NUCB2: variants seen among roughly 807,000 people sequenced by gnomAD.
NUCB2 encodes the protein nucleobindin 2.
Under a neutral mutation model 57.9 loss-of-function variants are expected in NUCB2, and 48 were observed. The ratio of observed to expected loss-of-function variants is 0.83; its 90% CI spans 0.66 to 1.05. The LOEUF (loss-of-function observed/expected upper bound fraction) is 1.05, where lower values mean the gene tolerates loss of function less well. Ranked by LOEUF, NUCB2 falls within the 50% of genes least tolerant of loss-of-function variation. NUCB2 has a pLI of 0.00. For missense variants in NUCB2, 442 were observed against 476.2 expected, an observed-to-expected ratio of 0.93 and a Z score of 0.67; for synonymous variants, 139 against 152.1, an observed-to-expected ratio of 0.91 and a Z score of 0.64.
At chr11:17,281,349 G>T (rs950318759) in intron 1 of NUCB2, among the ~76,000 whole-genome samples, 7 of 151,810 alleles carry the variant, frequency 4.6e-5, no homozygotes, top group Non-Finnish European at 1.0e-4. Flanking sequence ...TGAACTCCTG[G>T]GCTCAAGTGA....
At chr11:17,299,083 G>T (rs75740468) in intron 4 of NUCB2, among the ~76,000 whole-genome samples, 2,871 of 152,324 alleles carry the variant, frequency 0.019, 93 homozygotes, top group African/African-American at 0.065. Context: ...CTGGAAAGGT[G>T]ATGGTACTGC....
In NUCB2 at chr11:17,305,183, G is replaced by T. The variant is rs1246201487; in HGVS notation, c.379+3313G>T. 2.9e-4 allele frequency among the ~76,000 whole-genome samples: 44 copies of T among 152,162 alleles called. 1 individual carries two copies. Among genetic ancestry groups the T allele is most frequent in the Admixed American group, 2.8e-3 (42 of 15,270 alleles). ...TACTAAAAATACAAAAATTAGCTGG[G>T]CATGGTAGCACATGCCTGTAATCCC... On this transcript the variant is annotated intron_variant, in intron 5 of 13. Transcript: ENST00000529010.
chr11:17,284,034 T>A (rs894086665), intron 2 of NUCB2, among the ~76,000 whole-genome samples: 2 of 152,212 alleles, frequency 1.3e-5, no homozygotes, highest in Non-Finnish European at 2.9e-5. Context: ...TCCAGACTTT[T>A]ATTTTTTTTG....
intron 11 of NUCB2, among the ~76,000 whole-genome samples, chr11:17,327,107 CTGGAGTGCAG>C (rs754749203): frequency 1.3e-5 from 2 of 152,190 alleles, no homozygotes; most frequent in East Asian, 1.9e-4. Flanking sequence ...GTTACCCAGA[CTGGAGTGCAG>C]TGGCGTGATC....
chr11:17,340,179 T>A (rs1295090171), intron 2 of NUCB2, among the ~76,000 whole-genome samples: 2 of 152,228 alleles, frequency 1.3e-5, no homozygotes, highest in Admixed American at 6.5e-5. Context: ...TCATATCCTT[T>A]GCCCACTTTT....
At chr11:17,315,623 C>T in intron 11 of NUCB2, 148 bp downstream of exon 11, 1 of 432,740 alleles carries the variant, frequency 2.3e-6, no homozygotes, top group Non-Finnish European at 4.1e-6. Flanking sequence ...AAATAATGAA[C>T]TTCATTTCTT....
Position 17,310,808 on chromosome 11 carries a change from G to A in NUCB2, c.484-17G>A, listed in dbSNP as rs1313216775. On this transcript the variant is annotated splice_polypyrimidine_tract_variant and intron_variant, in intron 6 of 13. Transcript: ENST00000529010. The stretch of plus-strand genomic sequence containing the variant: ...GTGAATGTTTTTATTTAACTTAAAT[G>A]CATTATTGCATTTCAGGCAACAAGT... 1.9e-6 allele frequency: 3 copies of A among 1,551,972 alleles called. No individual in the cohort carries two copies. The highest frequency in any genetic ancestry group is 2.6e-6 in the Non-Finnish European group (3 of 1,152,004).
At chr11:17,278,170 CTTTTTTTTT>C (rs35441492) in intron 1 of NUCB2, among the ~76,000 whole-genome samples, 2 of 85,130 alleles carry the variant, frequency 2.3e-5, no homozygotes, top group Admixed American at 1.6e-4. Context: ...TTTTACCCAT[CTTTTTTTTT>C]TTTTTTTTTT....
rs1279850788 is a variant in NUCB2 at position 17,282,925 on chromosome 11, A to G, written c.-19A>G. 6.6e-6 allele frequency: 1 copy of G among 152,188 alleles called. No individual in the cohort carries two copies. The highest frequency in any genetic ancestry group is 2.4e-5 in the African/African-American group (1 of 41,450). 9.4% of individuals were successfully genotyped at this position (152,188 alleles called of 1,614,324 possible). On this transcript the variant is annotated 5_prime_UTR_variant, in exon 2 of 14. Coordinates refer to ENST00000529010, the MANE Select transcript of NUCB2 (RefSeq NM_005013.4). The stretch of plus-strand genomic sequence containing the variant: ...TCTCATCTGTAAAAAGGAGATAAAA[A>G]TTATTTACCTGCCTGAACGTAAGTA...
chr11:17,300,974 T>TTTC (rs1428478354), intron 4 of NUCB2, among the ~76,000 whole-genome samples: 1 of 146,448 alleles, frequency 6.8e-6, no homozygotes, highest in Non-Finnish European at 1.5e-5. Context: ...AATCTTTTTT[T>TTTC]TTTTTTTTTT....
At position 17,330,072 on chromosome 11, in the gene NUCB2, CA is replaced by C; in HGVS notation, c.1003-54del. Reference sequence around the variant, plus strand: ...TAACCATAGAATTTTAAAGCTAAATCAGACTTTATTGTTGTAGTTTTGAGAT... The same window carrying C: ...TAACCATAGAATTTTAAAGCTAAATCGACTTTATTGTTGTAGTTTTGAGAT... On this transcript the variant is annotated intron_variant, in intron 11 of 13. Coordinates refer to ENST00000529010, the MANE Select transcript of NUCB2 (RefSeq NM_005013.4). The surrounding 1 kb of genome is among the most constrained non-coding windows in gnomAD (Gnocchi z 4.3). 1 of 987,116 alleles carries C rather than the reference CA, an allele frequency of 1.0e-6. No homozygotes were observed. The highest frequency in any genetic ancestry group is 1.5e-6 in the Non-Finnish European group (1 of 679,196). 61.1% of individuals were successfully genotyped at this position (987,116 alleles called of 1,614,324 possible).
At chr11:17,305,280 C>T (rs990692834) in intron 5 of NUCB2, among the ~76,000 whole-genome samples, 3 of 152,040 alleles carry the variant, frequency 2.0e-5, no homozygotes, top group Non-Finnish European at 4.4e-5. Flanking sequence ...GCTGAGATCA[C>T]ACTATTGCAC....
In NUCB2 at chr11:17,331,741, T is replaced by C. The variant is rs939530491; in HGVS notation, c.*322T>C. Reference sequence around the variant, plus strand: ...ATTTAGTGAAACTATTAGGAACTATTTAAGTGAGAAAACTCTGCCTCTTGC... The same window carrying C: ...ATTTAGTGAAACTATTAGGAACTATCTAAGTGAGAAAACTCTGCCTCTTGC... On this transcript the variant is annotated 3_prime_UTR_variant, in exon 14 of 14. Transcript: ENST00000529010. 4 of 241,980 alleles carry C rather than the reference T, an allele frequency of 1.7e-5. No homozygotes were observed. The highest frequency in any genetic ancestry group is 8.9e-5 in the African/African-American group (4 of 44,954). The allele number at this position is 241,980 out of a possible 1,614,324, so 15.0% of individuals were successfully genotyped here.
chr11:17,342,049 G>T (rs1260397242), intron 2 of NUCB2, among the ~76,000 whole-genome samples: 2 of 152,198 alleles, frequency 1.3e-5, no homozygotes, highest in Non-Finnish European at 2.9e-5. Context: ...TCTTGGGAGG[G>T]TGTATGCGTT....
At chr11:17,292,338 A>G (rs1945076894) in intron 2 of NUCB2, among the ~76,000 whole-genome samples, 1 of 152,152 alleles carries the variant, frequency 6.6e-6, no homozygotes, top group Non-Finnish European at 1.5e-5. Context: ...TATTTTTTAA[A>G]GATCCAAGTT....
At chr11:17,294,482 C>T (rs1330) in intron 2 of NUCB2, among the ~76,000 whole-genome samples, 45,342 of 151,778 alleles carry the variant, frequency 0.3, 7,347 homozygotes, top group South Asian at 0.39. Context: ...AAAAAATTGG[C>T]ATAAAGATAG....
intron 2 of NUCB2, among the ~76,000 whole-genome samples, chr11:17,290,113 G>A (rs12286012): frequency 0.019 from 2,867 of 152,260 alleles, 93 homozygotes; most frequent in African/African-American, 0.065. Flanking sequence ...TTCCTGTCTA[G>A]AGTCAGGTAA....
downstream of NUCB2, chr11:17,332,285 C>G (rs1951475658): frequency 6.6e-6 from 1 of 151,986 alleles, no homozygotes; most frequent in African/African-American, 2.4e-5. Context: ...CCAGAACCAG[C>G]AGCACCTGAA....
At chr11:17,331,289 T>C (rs1053976317) in intron 13 of NUCB2, 123 bp from the exon 14 acceptor site, 1 of 533,326 alleles carries the variant, frequency 1.9e-6, no homozygotes. Flanking sequence ...AATATGTTTT[T>C]TAAAATTGTG....
Sources: allele counts gnomAD v4.1 joint callset (sites outside exome capture counted in the v4.1 genomes callset), GRCh38; gene constraint gnomAD v4.1.1; non-coding constraint Gnocchi (gnomAD v3.1); transcripts MANE v1.5; gene names NCBI Gene and HGNC (gene_info 2026-07-23, HGNC 2026-07-21).